The following RIC1 variants were observed in gnomAD, a reference collection of about 807,000 sequenced individuals.
RIC1 encodes guanine nucleotide exchange factor subunit RIC1.
In RIC1, 88 loss-of-function variants were observed where a neutral mutation model predicts 169.0. The observed-to-expected ratio is 0.52, with a 90% CI of 0.44 to 0.62. The LOEUF (loss-of-function observed/expected upper bound fraction) is 0.62, where lower values mean the gene tolerates loss of function less well. RIC1 is among the 20% of genes least tolerant of loss of function. The pLI is 0.00. For synonymous variants in RIC1, 790 were observed against 601.5 expected, an observed-to-expected ratio of 1.31 and a Z score of -4.59; for missense variants, 1,877 against 1,725.5, an observed-to-expected ratio of 1.09 and a Z score of -1.56.
intron 23 of RIC1, among the ~76,000 whole-genome samples, chr9:5,770,811 C>G (rs1209954968): frequency 1.3e-5 from 2 of 152,194 alleles, no homozygotes; most frequent in Admixed American, 6.5e-5. Context: ...TATTTACTAT[C>G]TGGTGCTTTT....
At chr9:5,738,176 G>T (rs1249107297) in intron 7 of RIC1, among the ~76,000 whole-genome samples, 1 of 152,016 alleles carries the variant, frequency 6.6e-6, no homozygotes, top group Admixed American at 6.6e-5. Flanking sequence ...TGCTAGATAG[G>T]CTATTTCCTT....
chr9:5,704,921 G>GTTTC (rs778157128), intron 3 of RIC1, among the ~76,000 whole-genome samples: 2 of 152,064 alleles, frequency 1.3e-5, no homozygotes, highest in African/African-American at 2.4e-5. Context: ...AGAGAATGTT[G>GTTTC]TTTCCCCTGT....
intron 23 of RIC1, among the ~76,000 whole-genome samples, chr9:5,771,240 G>C (rs923913605): frequency 2.6e-5 from 4 of 152,138 alleles, no homozygotes; most frequent in African/African-American, 9.7e-5. Context: ...CCCCCAGCCA[G>C]TGGCAACCAC....
intron 1 of RIC1, among the ~76,000 whole-genome samples, chr9:5,654,020 GA>G (rs1818949555): frequency 6.6e-6 from 1 of 151,982 alleles, no homozygotes; most frequent in African/African-American, 2.4e-5. Context: ...ATGTTTTTGA[GA>G]CAGCATCTTA....
In RIC1 at chr9:5,775,401, C is replaced by G. The variant is rs957566489; in HGVS notation, c.*1155C>G. On this transcript the variant is annotated 3_prime_UTR_variant, in exon 26 of 26. Coordinates refer to ENST00000414202, the MANE Select transcript of RIC1 (RefSeq NM_020829.4). ...CTGCATACTCCTTAATTGCTTTAAA[C>G]ACCCATCCACTGTATGTAATTCTAA... The G allele has an allele frequency of 6.6e-6, 1 of 152,150 alleles. No individual in the cohort carries two copies. Among genetic ancestry groups the G allele is most frequent in the African/African-American group, 2.4e-5 (1 of 41,446 alleles). 9.4% of individuals were successfully genotyped at this position (152,150 alleles called of 1,614,324 possible). A position where few individuals can be genotyped will look rare whatever the true frequency, so the allele number is the denominator to read the frequency against.
At position 5,774,093 on chromosome 9, in the gene RIC1, G is replaced by A; in HGVS notation, c.4119G>A (p.Arg1373=). Residue 1373 remains arginine, a synonymous_variant, in exon 26 of 26, where the codon CGG becomes CGA. Transcript: ENST00000414202. ...AGACTCCAGAACAGACTAGCCCCCG[G>A]GCAGAGGAGAGCAGGGGCTCCTCCA... The part of the protein sequence containing the change: ...MGKTPEQTSP[R]AEESRGSSSH... 1 of 1,614,036 alleles carries A rather than the reference G, an allele frequency of 6.2e-7. No individual in the cohort carries two copies. Among genetic ancestry groups the A allele is most frequent in the South Asian group, 1.1e-5 (1 of 91,074 alleles).
At chr9:5,701,592 T>TA (rs113165668) in intron 3 of RIC1, among the ~76,000 whole-genome samples, 142 of 143,802 alleles carry the variant, frequency 9.9e-4, no homozygotes, top group South Asian at 2.5e-3. Flanking sequence ...AGACTCCATT[T>TA]AAAAAAAAAA....
At chr9:5,724,102 A>C (rs1160711862) in intron 6 of RIC1, among the ~76,000 whole-genome samples, 6 of 152,196 alleles carry the variant, frequency 3.9e-5, no homozygotes, top group Non-Finnish European at 8.8e-5. Context: ...GAAGAAAGTC[A>C]TTGGTAACTT....
chr9:5,714,499 C>A (rs1205898128), intron 4 of RIC1, among the ~76,000 whole-genome samples: 3 of 152,274 alleles, frequency 2.0e-5, no homozygotes, highest in Admixed American at 6.5e-5. Context: ...AAAAATCTTA[C>A]CTACAATTTG....
chr9:5,702,519 T>G (rs1822287034), intron 3 of RIC1, among the ~76,000 whole-genome samples: 1 of 139,604 alleles, frequency 7.2e-6, no homozygotes, highest in Non-Finnish European at 1.6e-5. Context: ...TTTTGTTTTG[T>G]TTTTGTTTTT....
rs1053490608 is a variant in RIC1 at position 5,747,293 on chromosome 9, C to T, written c.1249-9C>T. Reference sequence around the variant, plus strand: ...CCTTTGCCCTTTTGTTCCTCTTTCCCTCATTTAGAGTAACCAAGAGCAGGT... The same window carrying T: ...CCTTTGCCCTTTTGTTCCTCTTTCCTTCATTTAGAGTAACCAAGAGCAGGT... On this transcript the variant is annotated splice_polypyrimidine_tract_variant and intron_variant, in intron 11 of 25. Transcript: ENST00000414202. The T allele has an allele frequency of 1.2e-6, 2 of 1,610,768 alleles. No homozygotes were observed. The highest frequency in any genetic ancestry group is 1.7e-6 in the Non-Finnish European group (2 of 1,177,682).
intron 2 of RIC1, among the ~76,000 whole-genome samples, chr9:5,679,907 C>G (rs923014868): frequency 1.3e-5 from 2 of 152,154 alleles, no homozygotes; most frequent in African/African-American, 2.4e-5. Flanking sequence ...GAGGGCATCC[C>G]TGTCTTGTGC....
chr9:5,629,231 G>A lies in RIC1; in HGVS notation c.-79G>A. On this transcript the variant is annotated 5_prime_UTR_variant, in exon 1 of 26. It adds an upstream start codon to the 5' untranslated region. Coordinates refer to ENST00000414202, the MANE Select transcript of RIC1 (RefSeq NM_020829.4). ...GCCGCCGCCGACTCGGCCGGTGGCG[G>A]TGTGGGAGGTGGGCGACCAGCCCGG... The A allele has an allele frequency of 7.9e-7, 1 of 1,269,466 alleles. No individual in the cohort carries two copies. Among genetic ancestry groups the A allele is most frequent in the South Asian group, 2.3e-5 (1 of 43,108 alleles). 78.6% of individuals were successfully genotyped at this position (1,269,466 alleles called of 1,614,324 possible).
chr9:5,659,142 A>G (rs1281856601), intron 2 of RIC1, among the ~76,000 whole-genome samples: 2 of 152,138 alleles, frequency 1.3e-5, no homozygotes, highest in Admixed American at 6.5e-5. Flanking sequence ...ACAGTACAAT[A>G]TGTTAAAGAA....
chr9:5,655,727 G>C (rs749875461), intron 1 of RIC1, among the ~76,000 whole-genome samples: 1 of 152,118 alleles, frequency 6.6e-6, no homozygotes. Context: ...TTTGAATGCC[G>C]AACCAGGCTT....
intron 7 of RIC1, among the ~76,000 whole-genome samples, chr9:5,735,319 G>A (rs1016845747): frequency 6.6e-6 from 1 of 152,162 alleles, no homozygotes; most frequent in African/African-American, 2.4e-5. Flanking sequence ...GCATGGAAAA[G>A]TATTTAGAGA....
intron 3 of RIC1, among the ~76,000 whole-genome samples, chr9:5,711,675 A>G (rs2130819529): frequency 6.6e-6 from 1 of 152,182 alleles, no homozygotes. Flanking sequence ...TTCTGCACCC[A>G]TTAACTCGTC....
In RIC1 at chr9:5,776,452, G is replaced by C. The variant is rs553289221; in HGVS notation, c.*2206G>C. On this transcript the variant is annotated 3_prime_UTR_variant, in exon 26 of 26. Coordinates refer to ENST00000414202, the MANE Select transcript of RIC1 (RefSeq NM_020829.4). Reference sequence around the variant, plus strand: ...TTGCTGAAACCAAAACAAGTCATTGGGGGTGTGGGAATAAAATCAACCTTT... The same window carrying C: ...TTGCTGAAACCAAAACAAGTCATTGCGGGTGTGGGAATAAAATCAACCTTT... 1 of 151,968 alleles carries C rather than the reference G, an allele frequency of 6.6e-6. No individual in the cohort carries two copies. The highest frequency in any genetic ancestry group is 2.1e-4 in the South Asian group (1 of 4,816). The allele number at this position is 151,968 out of a possible 1,614,324, so 9.4% of individuals were successfully genotyped here.
chr9:5,753,715 A>C (rs1041870093), intron 14 of RIC1, 69 bp downstream of exon 14: 1 of 692,882 alleles, frequency 1.4e-6, no homozygotes, highest in East Asian at 2.8e-5. Flanking sequence ...AAATAGCTAT[A>C]AAGTTTATCA....
Sources: allele counts gnomAD v4.1 joint callset (sites outside exome capture counted in the v4.1 genomes callset), GRCh38; gene constraint gnomAD v4.1.1; transcripts MANE v1.5; gene names NCBI Gene and HGNC (gene_info 2026-07-23, HGNC 2026-07-21).